Variants in NRXN3 observed in about 807,000 individuals in gnomAD.
NRXN3 encodes neurexin III.
A neutral mutation model predicts 137.6 loss-of-function variants in NRXN3; 32 were observed. The ratio of observed to expected loss-of-function variants is 0.23; its 90% CI spans 0.18 to 0.31. The LOEUF is 0.31. Ranked by LOEUF, NRXN3 falls within the 10% of genes least tolerant of loss-of-function variation. The pLI, the probability that NRXN3 is intolerant of heterozygous loss-of-function variation, is 1.00. For missense variants in NRXN3, 1,574 were observed against 2,062.5 expected (o/e 0.76, Z 4.59); for synonymous variants, 798 against 784.5 (o/e 1.02, Z -0.29).
intron 4 of NRXN3, among the ~76,000 whole-genome samples, chr14:78,478,214 A>G (rs749575512): frequency 1.3e-5 from 2 of 152,116 alleles, no homozygotes; most frequent in African/African-American, 4.8e-5. Flanking sequence ...ATTTGGGGGG[A>G]AAATGGCTTT....
intron 19 of NRXN3, among the ~76,000 whole-genome samples, chr14:79,790,358 G>T (rs1394374877): frequency 2.0e-5 from 3 of 151,764 alleles, no homozygotes; most frequent in Non-Finnish European, 2.9e-5. Flanking sequence ...TTTTTGAGAG[G>T]GTGGCACGAT....
chr14:78,697,765 A>G (rs1432369219), intron 6 of NRXN3: 1 of 151,952 alleles, frequency 6.6e-6, no homozygotes, highest in East Asian at 1.9e-4. Flanking sequence ...TGTCTATATT[A>G]TTGTCAGTTT....
intron 20 of NRXN3, among the ~76,000 whole-genome samples, chr14:79,836,178 G>T (rs2099342453): frequency 6.6e-6 from 1 of 152,170 alleles, no homozygotes; most frequent in Non-Finnish European, 1.5e-5. Context: ...GTTCAAGAAT[G>T]TGGATTGTAA....
chr14:78,527,115 C>T (rs1388970082), intron 4 of NRXN3, among the ~76,000 whole-genome samples: 1 of 152,172 alleles, frequency 6.6e-6, no homozygotes, highest in African/African-American at 2.4e-5. Context: ...TATCAATAAA[C>T]TAAATTTACC....
chr14:79,013,387 G>A (rs966688725), intron 15 of NRXN3, among the ~76,000 whole-genome samples: 1 of 152,060 alleles, frequency 6.6e-6, no homozygotes, highest in African/African-American at 2.4e-5. Flanking sequence ...CATTCTATGT[G>A]CACCAAAACT....
At chr14:79,569,630 T>A (rs5005423) in intron 16 of NRXN3, among the ~76,000 whole-genome samples, 1,806 of 135,742 alleles carry the variant, frequency 0.013, 31 homozygotes, top group African/African-American at 0.036. Context: ...TGTGTGTGTG[T>A]GAGAGAGAGA....
At position 78,783,524 on chromosome 14, in the gene NRXN3, A is replaced by C. The variant is rs547489041; in HGVS notation, c.2045-20096A>C. Among the ~76,000 whole-genome samples, 13 of 152,294 alleles carry C rather than the reference A, an allele frequency of 8.5e-5. No homozygotes were observed. In the South Asian group the frequency reaches 2.3e-3, roughly 27 times the overall value. ...AAATTTGAATAAGGCCTGAAGTTTAAAATATTGAATCAATGTATATTTGCT... is the reference window on the plus strand; with the variant it reads ...AAATTTGAATAAGGCCTGAAGTTTACAATATTGAATCAATGTATATTTGCT... On this transcript the variant is annotated intron_variant, in intron 8 of 20. Transcript: ENST00000335750.
intron 2 of NRXN3, among the ~76,000 whole-genome samples, chr14:78,253,226 T>TG (rs2068928531): frequency 6.6e-6 from 1 of 152,200 alleles, no homozygotes; most frequent in Non-Finnish European, 1.5e-5. Context: ...CACTGAAATT[T>TG]GGGGAGATTC....
chr14:78,430,600 G>A (rs908642684), intron 4 of NRXN3, among the ~76,000 whole-genome samples: 1 of 152,166 alleles, frequency 6.6e-6, no homozygotes, highest in Non-Finnish European at 1.5e-5. Flanking sequence ...AAAACAATGG[G>A]ACCATCAGGG....
At chr14:78,682,967 G>T (rs1039277683) in intron 6 of NRXN3, among the ~76,000 whole-genome samples, 3 of 152,152 alleles carry the variant, frequency 2.0e-5, no homozygotes, top group Non-Finnish European at 4.4e-5. Flanking sequence ...AGAATGTCAT[G>T]GTAGAAAATC....
intron 8 of NRXN3, among the ~76,000 whole-genome samples, chr14:78,727,266 C>T (rs534858309): frequency 4.5e-4 from 69 of 152,272 alleles, no homozygotes; most frequent in South Asian, 8.3e-4. Context: ...CAGTACTTCA[C>T]AGGGGTCTTT....
At chr14:78,400,600 T>G (rs1293346750) in intron 4 of NRXN3, among the ~76,000 whole-genome samples, 1 of 152,248 alleles carries the variant, frequency 6.6e-6, no homozygotes, top group African/African-American at 2.4e-5. Context: ...AAGGTGTTTA[T>G]TGAGCACTTA....
chr14:79,004,869 G>T (rs139283296), intron 15 of NRXN3, among the ~76,000 whole-genome samples: 1 of 152,022 alleles, frequency 6.6e-6, no homozygotes, highest in East Asian at 1.9e-4. Flanking sequence ...ATATGCTGTC[G>T]CCCCGTCCTC....
chr14:79,519,269 A>G (rs1455357627), intron 16 of NRXN3, among the ~76,000 whole-genome samples: 1 of 152,014 alleles, frequency 6.6e-6, no homozygotes, highest in Non-Finnish European at 1.5e-5. Context: ...TCCACTTACT[A>G]TTTTTAAATT....
intron 14 of NRXN3, among the ~76,000 whole-genome samples, chr14:78,982,666 A>G (rs1453564618): frequency 1.3e-5 from 2 of 152,314 alleles, no homozygotes; most frequent in South Asian, 4.1e-4. Flanking sequence ...AAAGATTCAA[A>G]TGTTAGACCT....
chr14:78,342,867 G>C (rs1377525684), intron 4 of NRXN3, among the ~76,000 whole-genome samples: 4 of 152,050 alleles, frequency 2.6e-5, no homozygotes, highest in Non-Finnish European at 4.4e-5. Context: ...TAAAAACAGG[G>C]GGTGGTTAAT....
intron 6 of NRXN3, among the ~76,000 whole-genome samples, chr14:78,657,254 T>C (rs1332881714): frequency 6.6e-6 from 1 of 152,088 alleles, no homozygotes. Context: ...CAATGACAAA[T>C]GAAATACAGG....
intron 15 of NRXN3, among the ~76,000 whole-genome samples, chr14:79,017,141 C>G (rs542255366): frequency 5.3e-5 from 8 of 151,986 alleles, no homozygotes; most frequent in African/African-American, 1.9e-4. Context: ...GGAATATAGG[C>G]GAGCAGATGA....
intron 4 of NRXN3, among the ~76,000 whole-genome samples, chr14:78,344,131 G>A (rs947109000): frequency 2.6e-5 from 4 of 152,312 alleles, no homozygotes; most frequent in Admixed American, 2.6e-4. Flanking sequence ...AAGCAGGCTT[G>A]CTAGCCCTCG....
Sources: allele counts gnomAD v4.1 joint callset (sites outside exome capture counted in the v4.1 genomes callset), GRCh38; gene constraint gnomAD v4.1.1; transcripts MANE v1.5; gene names NCBI Gene and HGNC (gene_info 2026-07-23, HGNC 2026-07-21).